TNRC6A: variants seen among roughly 807,000 people sequenced by gnomAD.
The protein encoded by TNRC6A is trinucleotide repeat containing adaptor 6A.
TNRC6A carries 44 observed loss-of-function variants against 221.2 expected under a neutral mutation model. The ratio of observed to expected loss-of-function variants is 0.20; its 90% confidence interval spans 0.16 to 0.26. The LOEUF (loss-of-function observed/expected upper bound fraction) is 0.26. Among genes scored for constraint, TNRC6A ranks in the 10% least tolerant of loss-of-function variants. The pLI is 1.00. For missense variants in TNRC6A, 2,199 were observed against 2,404.4 expected (o/e 0.91, Z 1.79); for synonymous variants, 847 against 838.5 (o/e 1.01, Z -0.18).
At chr16:24,689,056 G>A (rs2055698133) in intron 2 of TNRC6A, among the ~76,000 whole-genome samples, 1 of 152,036 alleles carries the variant, frequency 6.6e-6, no homozygotes, top group South Asian at 2.1e-4. Context: ...ACAGAGCCAA[G>A]GCCCTATTTC....
At chr16:24,707,375 CA>C (rs1291941923) in intron 2 of TNRC6A, among the ~76,000 whole-genome samples, 35 of 142,468 alleles carry the variant, frequency 2.5e-4, no homozygotes, top group Non-Finnish European at 5.1e-4. Context: ...CACACACACA[CA>C]CACATCTTAA....
chr16:24,706,979 T>TATATTTATTTA (rs2056107271), intron 2 of TNRC6A, among the ~76,000 whole-genome samples: 18 of 140,504 alleles, frequency 1.3e-4, no homozygotes, highest in East Asian at 1.1e-3. Flanking sequence ...ATTTATCTAT[T>TATATTTATTTA]TTTATTTATG....
At chr16:24,625,737 CAAA>C (rs749882396) in intron 1 of TNRC6A, among the ~76,000 whole-genome samples, 4 of 24,050 alleles carry the variant, frequency 1.7e-4, no homozygotes, top group African/African-American at 5.9e-4. Flanking sequence ...CGTCTCAAAA[CAAA>C]AAAAAAAAAA....
intron 1 of TNRC6A, among the ~76,000 whole-genome samples, chr16:24,624,054 G>A (rs1438046564): frequency 1.3e-5 from 2 of 152,038 alleles, no homozygotes; most frequent in East Asian, 1.9e-4. Flanking sequence ...GGTCACATAC[G>A]CGGCTCTGCT....
chr16:24,670,226 A>T (rs1191163580), intron 2 of TNRC6A, among the ~76,000 whole-genome samples: 1 of 152,034 alleles, frequency 6.6e-6, no homozygotes, highest in Non-Finnish European at 1.5e-5. Context: ...CTGGGATTAC[A>T]GGCGTGAGCC....
intron 2 of TNRC6A, among the ~76,000 whole-genome samples, chr16:24,748,849 A>G (rs2057072472): frequency 6.6e-6 from 1 of 152,042 alleles, no homozygotes. Flanking sequence ...TGTCTAGTTC[A>G]TATCTCCAAA....
chr16:24,820,334 G>C lies in TNRC6A; in HGVS notation c.5276G>C (p.Gly1759Ala), dbSNP rs1232818640. Residue 1759 changes from glycine to alanine, a missense_variant, in exon 22 of 25, where the codon GGA becomes GCA. Physicochemically the swap from Gly to Ala is moderately conservative, Grantham distance 60. This residue lies in a region of TNRC6A where 449 missense variants were observed against 579.7 expected (regional missense o/e 0.77). Coordinates refer to ENST00000395799, the MANE Select transcript of TNRC6A (RefSeq NM_014494.4). ...NSPLRIGGGW[G>A]NSDARYTPGS... ...CCCCTTCGTATAGGTGGAGGATGGG[G>C]AAATTCTGACGCCAGATATACCCCA... 1 of 1,614,186 alleles carries C rather than the reference G, an allele frequency of 6.2e-7. No homozygotes were observed. The highest frequency in any genetic ancestry group is 2.2e-5 in the East Asian group (1 of 44,884).
In TNRC6A at chr16:24,776,532, A is replaced by G. The variant is rs2057721347; in HGVS notation, c.164-401A>G. ...CACATTAACAATGAGGCAGAATAAG[A>G]ACAGTTGCCAAGGAATAGAGGATTC... On this transcript the variant is annotated intron_variant, in intron 4 of 24. Transcript: ENST00000395799. The G allele has an allele frequency of 4.1e-6, 4 of 985,370 alleles. No individual in the cohort carries two copies. The African/African-American group carries it at 7.0e-5, about 17-fold the overall frequency. The allele number at this position is 985,370 out of a possible 1,614,324, so 61.0% of individuals were successfully genotyped here.
At chr16:24,691,579 G>A (rs1368679157) in intron 2 of TNRC6A, among the ~76,000 whole-genome samples, 5 of 152,030 alleles carry the variant, frequency 3.3e-5, no homozygotes, top group African/African-American at 4.8e-5. Context: ...GAACAGCCTG[G>A]CCAACATGAC....
At chr16:24,770,774 A>G (rs1596662442) in intron 4 of TNRC6A, among the ~76,000 whole-genome samples, 1 of 152,050 alleles carries the variant, frequency 6.6e-6, no homozygotes, top group Non-Finnish European at 1.5e-5. Flanking sequence ...TTTTAATCCA[A>G]ACTTTTTTGA....
chr16:24,630,475 G>A (rs1901274538), intron 1 of TNRC6A, among the ~76,000 whole-genome samples: 1 of 152,112 alleles, frequency 6.6e-6, no homozygotes, highest in Admixed American at 6.6e-5. Context: ...ACCAGCCTGG[G>A]CAACGTAGTG....
chr16:24,666,025 G>T (rs1203722955), intron 2 of TNRC6A, among the ~76,000 whole-genome samples: 9 of 152,134 alleles, frequency 5.9e-5, no homozygotes, highest in East Asian at 1.9e-4. Flanking sequence ...TGTGAGAAAT[G>T]ATGTTCAAGA....
intron 4 of TNRC6A, among the ~76,000 whole-genome samples, chr16:24,774,333 C>A (rs143755140): frequency 8.5e-5 from 13 of 152,232 alleles, no homozygotes; most frequent in African/African-American, 3.1e-4. Flanking sequence ...GTTACATTGT[C>A]TTGATGTCTT....
At chr16:24,779,097 G>A (rs2057786083) in intron 5 of TNRC6A, among the ~76,000 whole-genome samples, 1 of 152,162 alleles carries the variant, frequency 6.6e-6, no homozygotes, top group Non-Finnish European at 1.5e-5. Context: ...ATAACTATGA[G>A]TCAAAAATAT....
chr16:24,790,150 C>A lies in TNRC6A; in HGVS notation c.1508C>A (p.Ser503Tyr). 6.2e-7 allele frequency: 1 copy of A among 1,614,208 alleles called. No homozygotes were observed. The highest frequency in any genetic ancestry group is 8.5e-7 in the Non-Finnish European group (1 of 1,180,046). The change falls in exon 6 of 25, where the codon TCC becomes TAC. Residue 503 changes from serine (S) to tyrosine (Y), a missense_variant. Coordinates refer to ENST00000395799, the MANE Select transcript of TNRC6A (RefSeq NM_014494.4). ...GCTCCATCAGGTATGAATGGCACTT[C>A]CCTTTCTCACCTTAGCAATGGAGAG... The part of the protein sequence containing the change: ...MQAPSGMNGT[S>Y]LSHLSNGESK...
rs533729724 is a variant in TNRC6A, at chr16:24,648,886, C to G, written n.402+7877C>G. Among the ~76,000 whole-genome samples, 5 of 152,236 alleles carry G rather than the reference C, an allele frequency of 3.3e-5. No homozygotes were observed. The South Asian group carries it at 8.3e-4, about 25-fold the overall frequency. ...AAAATTTTTTTTCACAACCAACATG[C>G]AGCTTTTTTGTTTCACTCTACCACA... On this transcript the variant is annotated intron_variant and non_coding_transcript_variant, in intron 2 of 2. Transcript: ENST00000566108.
chr16:24,806,144 T>A (rs1249080946), intron 15 of TNRC6A, 62 bp from the exon 16 acceptor site: 4 of 1,589,118 alleles, frequency 2.5e-6, no homozygotes, highest in Non-Finnish European at 1.7e-6. Context: ...GCTGTCGTCA[T>A]TTGGAAGCAC....
At chr16:24,663,953 C>G (rs1299022377) in intron 2 of TNRC6A, 1 of 456,544 alleles carries the variant, frequency 2.2e-6, no homozygotes, top group East Asian at 6.9e-5. Flanking sequence ...AAGAGCCAGT[C>G]CTTCCTCTGA....
At chr16:24,799,003 G>A (rs983831667) in intron 11 of TNRC6A, among the ~76,000 whole-genome samples, 5 of 152,146 alleles carry the variant, frequency 3.3e-5, no homozygotes, top group Non-Finnish European at 5.9e-5. Flanking sequence ...ACCAGTGAAG[G>A]CAGGGCACAG....
Sources: gnomAD v4.1 joint callset for allele counts (sites outside exome capture counted in the v4.1 genomes callset) on GRCh38, gnomAD v4.1.1 for gene constraint, gnomAD v4.1.1 regional missense constraint, MANE v1.5 for transcripts, NCBI Gene and HGNC (gene_info 2026-07-23, HGNC 2026-07-21) for gene names.